CACNA2D3: variants seen among roughly 807,000 people sequenced by gnomAD.
CACNA2D3 encodes the protein calcium voltage-gated channel auxiliary subunit alpha2delta 3.
In CACNA2D3, 60 loss-of-function variants were observed where a neutral mutation model predicts 160.6. The observed-to-expected ratio is 0.37, with a 90% CI of 0.30 to 0.46. The LOEUF (loss-of-function observed/expected upper bound fraction) is 0.46. Among genes scored for constraint, CACNA2D3 ranks in the 20% least tolerant of loss-of-function variants. The pLI is 1.00. For missense variants in CACNA2D3, 1,205 were observed against 1,365.0 expected (o/e 0.88, Z 1.85); for synonymous variants, 558 against 492.9 (o/e 1.13, Z -1.75).
chr3:54,473,397 G>A (rs1340807711), intron 4 of CACNA2D3, among the ~76,000 whole-genome samples: 1 of 152,124 alleles, frequency 6.6e-6, no homozygotes, highest in Non-Finnish European at 1.5e-5. Flanking sequence ...ATGGATTAAA[G>A]ACTTAAACAG....
chr3:54,819,309 C>T (rs193084474), intron 14 of CACNA2D3, among the ~76,000 whole-genome samples: 1 of 152,276 alleles, frequency 6.6e-6, no homozygotes, highest in Admixed American at 6.5e-5. Flanking sequence ...TTGAAAGTTA[C>T]TTCTCTTACC....
chr3:54,994,749 A>G (rs1449632566), intron 31 of CACNA2D3, among the ~76,000 whole-genome samples: 3 of 152,204 alleles, frequency 2.0e-5, no homozygotes, highest in Non-Finnish European at 4.4e-5. Context: ...ACAAGGGACT[A>G]GAAGTGGAGG....
chr3:54,526,272 T>C (rs751349233), intron 5 of CACNA2D3, among the ~76,000 whole-genome samples: 30 of 152,216 alleles, frequency 2.0e-4, no homozygotes, highest in Non-Finnish European at 4.0e-4. Context: ...TTTGGACATA[T>C]GTATAATAGC....
chr3:54,171,311 C>T (rs1461801416), intron 2 of CACNA2D3, among the ~76,000 whole-genome samples: 3 of 151,626 alleles, frequency 2.0e-5, no homozygotes, highest in African/African-American at 4.8e-5. Context: ...CGAGTGCTAT[C>T]GGGTACATTC....
intron 5 of CACNA2D3, among the ~76,000 whole-genome samples, chr3:54,514,138 G>T (rs1316323631): frequency 6.6e-6 from 1 of 152,160 alleles, no homozygotes; most frequent in Non-Finnish European, 1.5e-5. Flanking sequence ...AAATAATGTT[G>T]CAGCAAAGAG....
rs1436012061 is a variant in CACNA2D3 at position 54,459,087 on chromosome 3, A to G, written c.382-44405A>G. ...GATTTCCAATTTCATCCATGTCCCT[A>G]CAAAGGACATGAACACATCATTTTT... On this transcript the variant is annotated intron_variant, in intron 4 of 37. Transcript: ENST00000474759. Among the ~76,000 whole-genome samples the G allele has an allele frequency of 3.9e-5, 6 of 152,170 alleles. No individual in the cohort carries two copies. In the East Asian group the frequency reaches 1.2e-3, roughly 29 times the overall value.
chr3:54,383,004 C>A (rs539069208), intron 3 of CACNA2D3, among the ~76,000 whole-genome samples: 57 of 152,150 alleles, frequency 3.7e-4, no homozygotes, highest in Middle Eastern at 3.4e-3. Flanking sequence ...GGTGCCACCA[C>A]GCCTGGCTAA....
intron 4 of CACNA2D3, among the ~76,000 whole-genome samples, chr3:54,490,298 C>T (rs537570249): frequency 2.7e-5 from 4 of 147,190 alleles, no homozygotes; most frequent in African/African-American, 1.0e-4. Context: ...AGAAACAGTC[C>T]GAGACTCAGC....
At chr3:54,211,813 T>C (rs1398686539) in intron 2 of CACNA2D3, among the ~76,000 whole-genome samples, 1 of 152,180 alleles carries the variant, frequency 6.6e-6, no homozygotes, top group East Asian at 1.9e-4. Flanking sequence ...AAGAGTTATT[T>C]TATAAAAATA....
intron 3 of CACNA2D3, chr3:54,385,765 A>G (rs933160691): frequency 1.3e-4 from 48 of 365,086 alleles, no homozygotes; most frequent in African/African-American, 8.8e-4. Flanking sequence ...CACGTGGCCT[A>G]TTAAACTCAG....
chr3:54,978,513 T>C (rs553761286), intron 29 of CACNA2D3, among the ~76,000 whole-genome samples: 1 of 152,286 alleles, frequency 6.6e-6, no homozygotes, highest in Admixed American at 6.5e-5. Flanking sequence ...ATCTAGAAGA[T>C]TAAAAAGTGC....
chr3:54,808,770 C>T (rs1444275659), intron 13 of CACNA2D3, among the ~76,000 whole-genome samples: 1 of 152,020 alleles, frequency 6.6e-6, no homozygotes, highest in Non-Finnish European at 1.5e-5. Flanking sequence ...TTGCTCAGAC[C>T]CTATCATTTC....
rs537432961 is a variant in CACNA2D3, at chr3:54,643,298, T to G, written c.1167+1057T>G. 1.4e-4 allele frequency among the ~76,000 whole-genome samples: 21 copies of G among 152,280 alleles called. No homozygotes were observed. The South Asian group carries it at 3.3e-3, about 24-fold the overall frequency. On this transcript the variant is annotated intron_variant, in intron 11 of 37. Coordinates refer to ENST00000474759, the MANE Select transcript of CACNA2D3 (RefSeq NM_018398.3). ...TACTCTGAACATGAGATGGGAGGTG[T>G]CTTTCTATATTCCCTTAGTCACTGT...
intron 9 of CACNA2D3, among the ~76,000 whole-genome samples, chr3:54,585,448 GA>G (rs1217401849): frequency 6.6e-6 from 1 of 151,992 alleles, no homozygotes; most frequent in Non-Finnish European, 1.5e-5. Context: ...GGATGAATAG[GA>G]AAAAAATAAA....
At chr3:54,330,579 A>T (rs1704225963) in intron 3 of CACNA2D3, among the ~76,000 whole-genome samples, 1 of 151,456 alleles carries the variant, frequency 6.6e-6, no homozygotes, top group Non-Finnish European at 1.5e-5. Context: ...CTTAGTAAAA[A>T]CTCTAGGCTG....
chr3:54,565,168 C>A (rs375283427), intron 6 of CACNA2D3, among the ~76,000 whole-genome samples: 52 of 152,092 alleles, frequency 3.4e-4, no homozygotes, highest in Admixed American at 9.2e-4. Flanking sequence ...GTCAGCCATC[C>A]GAAACCCTGG....
chr3:54,225,868 G>A (rs1479019866), intron 2 of CACNA2D3, among the ~76,000 whole-genome samples: 1 of 151,840 alleles, frequency 6.6e-6, no homozygotes, highest in African/African-American at 2.4e-5. Context: ...TAGAGGCCAG[G>A]GTCTCTGCAT....
intron 32 of CACNA2D3, 26 bp from the exon 33 acceptor site, chr3:55,007,764 T>G: frequency 6.6e-7 from 1 of 1,509,778 alleles, no homozygotes; most frequent in Non-Finnish European, 8.9e-7. Context: ...TACATTGTTT[T>G]TAATGAACTG....
intron 4 of CACNA2D3, among the ~76,000 whole-genome samples, chr3:54,474,895 C>G (rs1218993393): frequency 6.6e-6 from 1 of 152,050 alleles, no homozygotes; most frequent in East Asian, 1.9e-4. Context: ...GATACTGGGC[C>G]GAAATAGCTT....
Sources: gnomAD v4.1 joint callset for allele counts (sites outside exome capture counted in the v4.1 genomes callset) on GRCh38, gnomAD v4.1.1 for gene constraint, MANE v1.5 for transcripts, NCBI Gene and HGNC (gene_info 2026-07-23, HGNC 2026-07-21) for gene names.